NME7: variants seen among roughly 807,000 people sequenced by gnomAD.
The protein encoded by NME7 is NME/NM23 family member 7, also known as nucleoside diphosphate kinase 7.
Under a neutral mutation model 49.1 loss-of-function variants are expected in NME7, and 41 were observed. The observed-to-expected ratio is 0.83, with a 90% confidence interval of 0.65 to 1.08. The LOEUF (loss-of-function observed/expected upper bound fraction) is 1.08, where lower values mean the gene tolerates loss of function less well. Ranked by LOEUF, NME7 falls within the 50% of genes least tolerant of loss-of-function variation. The pLI, the probability that NME7 is intolerant of heterozygous loss-of-function variation, is 0.00. For missense variants in NME7, 423 were observed against 463.4 expected (o/e 0.91, Z 0.80); for synonymous variants, 139 against 150.6 (o/e 0.92, Z 0.56).
chr1:169,349,256 G>A (rs567018170), intron 1 of NME7, among the ~76,000 whole-genome samples: 8 of 152,148 alleles, frequency 5.3e-5, no homozygotes, highest in South Asian at 4.2e-4. Context: ...TCCAGTCATC[G>A]GGACTTTAGG....
chr1:169,266,274 T>C (rs1346616600), intron 7 of NME7, among the ~76,000 whole-genome samples: 2 of 133,794 alleles, frequency 1.5e-5, no homozygotes, highest in African/African-American at 2.5e-5. Flanking sequence ...CATGATCAAG[T>C]AGGCTTTATC....
chr1:169,349,193 A>G, intron 1 of NME7, among the ~76,000 whole-genome samples: 1 of 152,188 alleles, frequency 6.6e-6, no homozygotes, highest in East Asian at 1.9e-4. Context: ...AAGGAATAAA[A>G]GAATGCCTAC....
At chr1:169,335,430 C>G (rs1652421545) in intron 1 of NME7, among the ~76,000 whole-genome samples, 1 of 151,924 alleles carries the variant, frequency 6.6e-6, no homozygotes, top group African/African-American at 2.4e-5. Flanking sequence ...AAGCTGGAAG[C>G]CATCATCTTC....
intron 7 of NME7, among the ~76,000 whole-genome samples, chr1:169,277,829 T>G (rs1181615370): frequency 1.4e-4 from 19 of 131,338 alleles, no homozygotes; most frequent in South Asian, 5.0e-4. Flanking sequence ...TGGTACCAGT[T>G]GTTCCTTTCC....
intron 10 of NME7, among the ~76,000 whole-genome samples, chr1:169,226,030 A>G (rs942885192): frequency 2.6e-5 from 4 of 152,192 alleles, no homozygotes; most frequent in Admixed American, 2.0e-4. Context: ...GTATATATAT[A>G]TAATATAGCC....
At chr1:169,280,833 T>A (rs1649980203) in intron 7 of NME7, among the ~76,000 whole-genome samples, 1 of 150,124 alleles carries the variant, frequency 6.7e-6, no homozygotes, top group African/African-American at 2.4e-5. Flanking sequence ...TTGGTATAAG[T>A]ACCATGCTGT....
At chr1:169,246,939 A>G (rs1347186930) in intron 7 of NME7, 2 of 435,852 alleles carry the variant, frequency 4.6e-6, no homozygotes, top group Non-Finnish European at 9.1e-6. Flanking sequence ...ACTGAAATTC[A>G]TCAAGATGCA....
Position 169,324,465 on chromosome 1 carries a change from C to G in NME7, c.39G>C (p.Trp13Cys). 6.2e-7 allele frequency: 1 copy of G among 1,612,692 alleles called. No individual in the cohort carries two copies. Among genetic ancestry groups the G allele is most frequent in the Non-Finnish European group, 8.5e-7 (1 of 1,178,992 alleles). Residue 13 changes from tryptophan to cysteine, a missense_variant, in exon 2 of 12, where the codon TGG becomes TGC. By Grantham distance (215) the Trp-to-Cys change is radical (BLOSUM62 -2). Transcript: ENST00000367811. ...HSERFVFIAE[W>C]YDPNASLLRR... is the part of the protein sequence containing the mutation. ...GAAGAAGTGAAGCATTTGGATCATA[C>G]CACTCTGCAATGAAAACGAATCTTT...
chr1:169,237,572 A>G, intron 8 of NME7, 51 bp downstream of exon 8: 1 of 1,375,650 alleles, frequency 7.3e-7, no homozygotes, highest in Non-Finnish European at 1.0e-6. Flanking sequence ...TTTTATAACT[A>G]TTTTTGAAAA....
chr1:169,220,735 C>T (rs916072580), intron 10 of NME7, among the ~76,000 whole-genome samples: 1 of 152,116 alleles, frequency 6.6e-6, no homozygotes, highest in African/African-American at 2.4e-5. Flanking sequence ...ATTTAAACCA[C>T]TTAATACTTT....
At chr1:169,337,569 G>C (rs1475007813) in intron 1 of NME7, among the ~76,000 whole-genome samples, 1 of 152,208 alleles carries the variant, frequency 6.6e-6, no homozygotes, top group Non-Finnish European at 1.5e-5. Flanking sequence ...TGCCGCCAAA[G>C]TGGGAGCCCA....
At chr1:169,228,663 G>A (rs1312794642) in intron 10 of NME7, among the ~76,000 whole-genome samples, 1 of 130,984 alleles carries the variant, frequency 7.6e-6, no homozygotes, top group East Asian at 2.3e-4. Context: ...CGGCCTGGGC[G>A]ACAGAGCGAG....
At chr1:169,279,805 G>C (rs1404709234) in intron 7 of NME7, among the ~76,000 whole-genome samples, 1 of 152,146 alleles carries the variant, frequency 6.6e-6, no homozygotes, top group Non-Finnish European at 1.5e-5. Context: ...CTGTAGACTG[G>C]AGCTGTTCCT....
At chr1:169,308,164 G>GA (rs1464199546) in intron 4 of NME7, among the ~76,000 whole-genome samples, 4 of 152,100 alleles carry the variant, frequency 2.6e-5, no homozygotes, top group Admixed American at 2.6e-4. Flanking sequence ...TGTCTCTCTA[G>GA]AAAATATGTA....
At chr1:169,361,938 T>C (rs1245923017) in intron 1 of NME7, among the ~76,000 whole-genome samples, 2 of 152,052 alleles carry the variant, frequency 1.3e-5, no homozygotes, top group African/African-American at 4.8e-5. Flanking sequence ...AAAACAACTT[T>C]GACTCATGCC....
intron 6 of NME7, among the ~76,000 whole-genome samples, chr1:169,294,420 G>C (rs12743588): frequency 0.24 from 37,241 of 152,084 alleles, 5,531 homozygotes; most frequent in Non-Finnish European, 0.34. Context: ...AAAGATAGCT[G>C]AGGAATGAAA....
rs1445286126 is a variant in NME7 at position 169,275,395 on chromosome 1, C to T, written c.754+11908G>A. ...ACAGGAGGCTGAGGCAGGAGAATGG[C>T]GTGAACCCGGGAGGCGGAGCTTGCA... is the stretch of plus-strand genomic sequence containing the variant. On this transcript the variant is annotated intron_variant, in intron 7 of 11. Coordinates refer to ENST00000367811, the MANE Select transcript of NME7 (RefSeq NM_013330.5). 1.7e-3 allele frequency among the ~76,000 whole-genome samples: 199 copies of T among 115,246 alleles called. 20 individuals are homozygous for T. The highest frequency in any genetic ancestry group is 5.4e-3 in the African/African-American group (184 of 34,222). 75.6% of individuals were successfully genotyped at this position (115,246 alleles called of 152,430 possible). A position where few individuals can be genotyped will look rare whatever the true frequency, so the allele number is the denominator to read the frequency against.
intron 1 of NME7, among the ~76,000 whole-genome samples, chr1:169,352,410 TATAGAAGGAACATATA>T: frequency 6.6e-6 from 1 of 151,972 alleles, no homozygotes; most frequent in African/African-American, 2.4e-5. Context: ...AAAAATTGGA[TATAGAAGGAACATATA>T]CTTCAACATA....
chr1:169,177,471 G>A (rs1298845269), intron 10 of NME7, among the ~76,000 whole-genome samples: 2 of 152,102 alleles, frequency 1.3e-5, no homozygotes, highest in African/African-American at 4.8e-5. Flanking sequence ...AAGAATCTCT[G>A]ATGCTTTCAT....
Sources: allele counts gnomAD v4.1 joint callset (sites outside exome capture counted in the v4.1 genomes callset), GRCh38; gene constraint gnomAD v4.1.1; transcripts MANE v1.5; gene names NCBI Gene and HGNC (gene_info 2026-07-23, HGNC 2026-07-21).